Variants in NRG3 observed in about 807,000 individuals in gnomAD.
The protein encoded by NRG3 is neuregulin 3, also known as pro-neuregulin-3, membrane-bound isoform.
NRG3 carries 31 observed loss-of-function variants against 66.9 expected under a neutral mutation model. That is an observed-to-expected ratio of 0.46 (90% CI 0.35 to 0.63). The LOEUF (loss-of-function observed/expected upper bound fraction) is 0.63, where lower values mean the gene tolerates loss of function less well. Among genes scored for constraint, NRG3 ranks in the 20% least tolerant of loss-of-function variants. NRG3 has a pLI of 0.00. For synonymous variants in NRG3, 393 were observed against 359.4 expected (o/e 1.09, Z -1.06); for missense variants, 910 against 878.9 (o/e 1.04, Z -0.45).
At chr10:82,928,600 A>G (rs1460601619) in intron 4 of NRG3, among the ~76,000 whole-genome samples, 1 of 121,940 alleles carries the variant, frequency 8.2e-6, no homozygotes, top group Non-Finnish European at 1.6e-5. Flanking sequence ...TATCTATTTC[A>G]GGGATCAGCA....
intron 2 of NRG3, among the ~76,000 whole-genome samples, chr10:82,589,157 C>T (rs558950069): frequency 6.6e-6 from 1 of 152,206 alleles, no homozygotes; most frequent in South Asian, 2.1e-4. Flanking sequence ...TGGAAAATTG[C>T]CGCTGTTCAT....
intron 7 of NRG3, among the ~76,000 whole-genome samples, chr10:82,974,513 T>C (rs1210858331): frequency 6.6e-6 from 1 of 152,218 alleles, no homozygotes; most frequent in African/African-American, 2.4e-5. Flanking sequence ...GTCCACACTT[T>C]TCTGTTATCA....
At chr10:82,871,802 T>A (rs1386310619) in intron 4 of NRG3, among the ~76,000 whole-genome samples, 4 of 152,138 alleles carry the variant, frequency 2.6e-5, no homozygotes, top group Admixed American at 6.6e-5. Context: ...TTATTTGTTA[T>A]AGGAATATTT....
chr10:82,883,908 C>G (rs958620253), intron 4 of NRG3, among the ~76,000 whole-genome samples: 1 of 151,364 alleles, frequency 6.6e-6, no homozygotes, highest in Non-Finnish European at 1.5e-5. Context: ...TTGTGTCTCT[C>G]TCCAGGAGAT....
intron 1 of NRG3, among the ~76,000 whole-genome samples, chr10:82,344,083 T>G (rs1228801256): frequency 1.3e-5 from 2 of 151,584 alleles, no homozygotes; most frequent in Non-Finnish European, 2.9e-5. Flanking sequence ...TTTATTATAC[T>G]TTAAGTTTTA....
intron 2 of NRG3, among the ~76,000 whole-genome samples, chr10:82,669,286 A>C (rs182559237): frequency 9.9e-5 from 14 of 140,944 alleles, no homozygotes; most frequent in East Asian, 4.1e-4. Context: ...TAATAATAAT[A>C]ATCAGAAATA....
chr10:82,236,107 C>G (rs932067188), intron 1 of NRG3, among the ~76,000 whole-genome samples: 6 of 152,124 alleles, frequency 3.9e-5, no homozygotes, highest in Non-Finnish European at 2.9e-5. Flanking sequence ...GGACACTGTA[C>G]TTTTACAGTC....
intron 2 of NRG3, among the ~76,000 whole-genome samples, chr10:82,666,655 G>C (rs1255200254): frequency 6.6e-6 from 1 of 152,084 alleles, no homozygotes; most frequent in African/African-American, 2.4e-5. Flanking sequence ...TTGCCGTATG[G>C]TTAATCCCTT....
intron 1 of NRG3, among the ~76,000 whole-genome samples, chr10:82,254,867 C>CA (rs1252825494): frequency 6.6e-6 from 1 of 151,266 alleles, no homozygotes; most frequent in Non-Finnish European, 1.5e-5. Context: ...TGAATAAATA[C>CA]AAAAATGAGA....
At chr10:82,253,163 CA>C (rs1363615556) in intron 1 of NRG3, among the ~76,000 whole-genome samples, 1 of 152,178 alleles carries the variant, frequency 6.6e-6, no homozygotes, top group Non-Finnish European at 1.5e-5. Context: ...ATTTGTTTAT[CA>C]AACACCCTCT....
intron 1 of NRG3, among the ~76,000 whole-genome samples, chr10:82,071,324 G>A (rs2064795031): frequency 6.6e-6 from 1 of 152,176 alleles, no homozygotes; most frequent in African/African-American, 2.4e-5. Flanking sequence ...TGCTGAGCAA[G>A]GATGGGGATA....
chr10:82,411,958 C>G (rs1018442903), intron 2 of NRG3, among the ~76,000 whole-genome samples: 3 of 151,912 alleles, frequency 2.0e-5, no homozygotes, highest in African/African-American at 7.3e-5. Flanking sequence ...TAAACTGAGT[C>G]CTTATTATAG....
intron 3 of NRG3, among the ~76,000 whole-genome samples, chr10:82,857,072 C>T (rs2063849205): frequency 6.6e-6 from 1 of 152,154 alleles, no homozygotes; most frequent in South Asian, 2.1e-4. Context: ...CAAAATTCTA[C>T]CCATTATTTA....
chr10:82,655,232 A>T (rs1459126301), intron 2 of NRG3, among the ~76,000 whole-genome samples: 2 of 152,120 alleles, frequency 1.3e-5, no homozygotes, highest in Non-Finnish European at 2.9e-5. Context: ...TAAAATTGTC[A>T]CATTTAAAAA....
chr10:81,994,339 C>T (rs1433823840), intron 1 of NRG3, among the ~76,000 whole-genome samples: 1 of 151,852 alleles, frequency 6.6e-6, no homozygotes, highest in African/African-American at 2.4e-5. Context: ...ATTTAAATTG[C>T]CATTATTATA....
chr10:82,878,121 C>A (rs1248400077), intron 4 of NRG3, among the ~76,000 whole-genome samples: 2 of 151,872 alleles, frequency 1.3e-5, no homozygotes, highest in South Asian at 2.1e-4. Flanking sequence ...CAGTTAGTAG[C>A]TGGAGAAAGG....
intron 4 of NRG3, among the ~76,000 whole-genome samples, chr10:82,875,437 A>G (rs1271094773): frequency 6.6e-6 from 1 of 152,144 alleles, no homozygotes; most frequent in Non-Finnish European, 1.5e-5. Context: ...GGCTCATTGC[A>G]GTCTTGACCT....
intron 2 of NRG3, among the ~76,000 whole-genome samples, chr10:82,623,126 C>A (rs566220780): frequency 6.6e-6 from 1 of 152,192 alleles, no homozygotes; most frequent in South Asian, 2.1e-4. Flanking sequence ...AATGGCAATG[C>A]CAACTGAATT....
chr10:82,741,457 A>T (rs2058419796), intron 3 of NRG3, among the ~76,000 whole-genome samples: 1 of 152,218 alleles, frequency 6.6e-6, no homozygotes, highest in Non-Finnish European at 1.5e-5. Flanking sequence ...TTGTTATCAT[A>T]TAGATGGACA....
Sources: gnomAD v4.1 joint callset for allele counts (sites outside exome capture counted in the v4.1 genomes callset) on GRCh38, gnomAD v4.1.1 for gene constraint, MANE v1.5 for transcripts, NCBI Gene and HGNC (gene_info 2026-07-23, HGNC 2026-07-21) for gene names.